Variants in CYP4Z1 observed in about 807,000 individuals in gnomAD.
The protein encoded by CYP4Z1 is cytochrome P450 4Z1.
CYP4Z1 carries 41 observed loss-of-function variants against 54.2 expected under a neutral mutation model. The ratio of observed to expected loss-of-function variants is 0.76; its 90% CI spans 0.59 to 0.98. The LOEUF (loss-of-function observed/expected upper bound fraction) is 0.98. CYP4Z1 is among the 50% of genes least tolerant of loss of function. The probability of loss-of-function intolerance (pLI) is 0.00; values close to 1 mark genes in which losing one functional copy is unlikely to be tolerated. For synonymous variants in CYP4Z1, 163 were observed against 206.2 expected (o/e 0.79, Z 1.79); for missense variants, 513 against 599.0 (o/e 0.86, Z 1.50).
rs764313964 is a variant in CYP4Z1, at chr1:47,084,911, G to A, written c.705G>A (p.Leu235=). ...ACAATTTTCTACATCACAACGACCT[G>A]GTTTTCAAATTCAGCTCTCAAGGCC... ...RMNNFLHHND[L]VFKFSSQGQI... The change falls in exon 6 of 12, where the codon CTG becomes CTA. Residue 235 remains leucine (L), a synonymous_variant. Coordinates refer to ENST00000334194, the MANE Select transcript of CYP4Z1 (RefSeq NM_178134.3). 5.2e-6 allele frequency: 8 copies of A among 1,551,148 alleles called. No homozygotes were observed. Among genetic ancestry groups the A allele is most frequent in the Non-Finnish European group, 7.0e-6 (8 of 1,143,042 alleles).
chr1:47,094,707 A>G, intron 7 of CYP4Z1, 38 bp downstream of exon 7: 1 of 1,509,814 alleles, frequency 6.6e-7, no homozygotes, highest in East Asian at 2.3e-5. Context: ...TCGACTCAAT[A>G]ATTAAATAAT....
chr1:47,097,771 T>C (rs971915347), intron 7 of CYP4Z1, among the ~76,000 whole-genome samples: 5 of 151,974 alleles, frequency 3.3e-5, no homozygotes, highest in African/African-American at 1.2e-4. Context: ...TGTTTGTTTG[T>C]TTTCTTAGGA....
chr1:47,115,338 C>T (rs993117003), intron 9 of CYP4Z1, 191 bp from the exon 10 acceptor site: 11 of 480,158 alleles, frequency 2.3e-5, no homozygotes, highest in African/African-American at 2.2e-4. Context: ...GGAGATATAC[C>T]TAATGTTAAA....
At chr1:47,057,912 G>T in the CYP4Z1 span, among the ~76,000 whole-genome samples, 1 of 151,864 alleles carries the variant, frequency 6.6e-6, no homozygotes, top group African/African-American at 2.4e-5. Flanking sequence ...ATAATATAAA[G>T]ACTTTGGATT....
intron 2 of CYP4Z1, among the ~76,000 whole-genome samples, chr1:47,076,844 C>CAAAAAAAAAAAGAAAAAAAAAA (rs1644527015): frequency 1.2e-5 from 1 of 81,430 alleles, no homozygotes; most frequent in Admixed American, 1.4e-4. Context: ...GACGCTGTCT[C>CAAAAAAAAAAAGAAAAAAAAAA]AAAAAAAAAA....
At chr1:47,104,831 T>A (rs1441365669) in intron 8 of CYP4Z1, among the ~76,000 whole-genome samples, 2 of 151,944 alleles carry the variant, frequency 1.3e-5, no homozygotes, top group Non-Finnish European at 2.9e-5. Flanking sequence ...GACAGGGTGA[T>A]CCCCAGGCTG....
At chr1:47,096,002 C>T (rs908171512) in intron 7 of CYP4Z1, among the ~76,000 whole-genome samples, 10 of 152,158 alleles carry the variant, frequency 6.6e-5, no homozygotes, top group African/African-American at 2.4e-4. Context: ...ATTGTGTTGG[C>T]TACCTTGATC....
chr1:47,068,964 T>C (rs9659815), intron 2 of CYP4Z1, among the ~76,000 whole-genome samples: 63,949 of 152,080 alleles, frequency 0.42, 14,827 homozygotes, highest in East Asian at 0.97. Flanking sequence ...TGATCCATTT[T>C]CAAGCAATCT....
intron 8 of CYP4Z1, among the ~76,000 whole-genome samples, chr1:47,101,774 G>A (rs774146898): frequency 6.6e-6 from 1 of 151,970 alleles, no homozygotes; most frequent in Non-Finnish European, 1.5e-5. Context: ...TTAGTCCAAC[G>A]TGCAATTTAA....
chr1:47,111,571 C>T (rs1431589387), intron 9 of CYP4Z1, among the ~76,000 whole-genome samples: 1 of 152,118 alleles, frequency 6.6e-6, no homozygotes, highest in Non-Finnish European at 1.5e-5. Context: ...TTTCAAAGAC[C>T]TACGCAAACC....
intron 1 of CYP4Z1, 24 bp downstream of exon 1, chr1:47,067,691 G>T: frequency 6.4e-7 from 1 of 1,566,572 alleles, no homozygotes; most frequent in South Asian, 1.2e-5. Flanking sequence ...ATTAGTTGGG[G>T]AGGTTAAGGG....
At chr1:47,087,813 A>G (rs1644608168) in intron 6 of CYP4Z1, among the ~76,000 whole-genome samples, 1 of 152,194 alleles carries the variant, frequency 6.6e-6, no homozygotes, top group South Asian at 2.1e-4. Context: ...CCCATTCAGT[A>G]TGATATTAGC....
At chr1:47,117,640 A>T in intron 11 of CYP4Z1, 126 bp from the exon 12 acceptor site, 1 of 1,000,236 alleles carries the variant, frequency 1.0e-6, no homozygotes, top group Non-Finnish European at 1.4e-6. Context: ...GTAATCCAGC[A>T]GGATGACAGA....
intron 6 of CYP4Z1, among the ~76,000 whole-genome samples, chr1:47,092,790 A>G (rs967010795): frequency 5.3e-5 from 8 of 151,152 alleles, no homozygotes; most frequent in Admixed American, 1.3e-4. Flanking sequence ...GGAACAGCAT[A>G]ACATCCCTCC....
At chr1:47,068,253 C>T (rs750979118) in intron 1 of CYP4Z1, among the ~76,000 whole-genome samples, 6 of 152,164 alleles carry the variant, frequency 3.9e-5, no homozygotes, top group Non-Finnish European at 8.8e-5. Context: ...TATAATTTCA[C>T]TTAATTTTCA....
intron 9 of CYP4Z1, 162 bp from the exon 10 acceptor site, chr1:47,115,367 A>G (rs1473435561): frequency 3.4e-6 from 2 of 589,978 alleles, no homozygotes; most frequent in African/African-American, 1.9e-5. Flanking sequence ...TAATGGGTGC[A>G]GCACACCAAC....
At chr1:47,096,397 C>A (rs1325802535) in intron 7 of CYP4Z1, among the ~76,000 whole-genome samples, 1 of 152,104 alleles carries the variant, frequency 6.6e-6, no homozygotes, top group Non-Finnish European at 1.5e-5. Context: ...AGCAAGATAT[C>A]GACTCTAAAA....
At chr1:47,082,493 C>G (rs1444511614) in intron 4 of CYP4Z1, 32 bp downstream of exon 4, 1 of 1,588,012 alleles carries the variant, frequency 6.3e-7, no homozygotes, top group Admixed American at 1.8e-5. Context: ...CGTACCTGGC[C>G]TCTGAAGTGA....
intron 2 of CYP4Z1, among the ~76,000 whole-genome samples, chr1:47,078,970 T>C (rs1644544814): frequency 6.6e-6 from 1 of 152,050 alleles, no homozygotes. Context: ...TTTTGGTGTG[T>C]TTATTATTGC....
Sources: allele counts gnomAD v4.1 joint callset (sites outside exome capture counted in the v4.1 genomes callset), GRCh38; gene constraint gnomAD v4.1.1; transcripts MANE v1.5; gene names NCBI Gene and HGNC (gene_info 2026-07-23, HGNC 2026-07-21).